PSMC6: variants seen among roughly 807,000 people sequenced by gnomAD.
PSMC6 encodes 26S proteasome regulatory subunit 10B.
A neutral mutation model predicts 55.9 loss-of-function variants in PSMC6; 3 were observed. The observed-to-expected ratio is 0.05, with a 90% CI of 0.02 to 0.14. PSMC6 has a LOEUF of 0.14. PSMC6 is among the 10% of genes least tolerant of loss of function. The probability of loss-of-function intolerance (pLI) is 1.00; values close to 1 mark genes in which losing one functional copy is unlikely to be tolerated. For synonymous variants in PSMC6, 137 were observed against 155.9 expected (o/e 0.88, Z 0.90); for missense variants, 210 against 478.7 (o/e 0.44, Z 5.24).
In PSMC6 at chr14:52,724,036, G is replaced by A. The variant is rs768293547; in HGVS notation, c.1051G>A (p.Gly351Ser). The A allele has an allele frequency of 6.2e-7, 1 of 1,612,230 alleles. No homozygotes were observed. The highest frequency in any genetic ancestry group is 1.1e-5 in the South Asian group (1 of 90,894). ...TCTGAGAAATGTTTGTACTGAAGCA[G>A]GTAAGGGTTTAAAGTACAGTTTTAC... ...ADLRNVCTEAGMFAIRADHDF... is the reference protein window; with the variant it reads ...ADLRNVCTEASMFAIRADHDF... The change falls in exon 13 of 14, where the codon GGT becomes AGT. Residue 351 changes from glycine to serine, a missense_variant and splice_region_variant. Coordinates refer to ENST00000445930, the MANE Select transcript of PSMC6 (RefSeq NM_002806.5).
chr14:52,723,090 G>A (rs956284663), intron 12 of PSMC6: 7 of 152,198 alleles, frequency 4.6e-5, no homozygotes, highest in African/African-American at 1.7e-4. Context: ...TCAATGTATA[G>A]GTTTCTTCCA....
intron 12 of PSMC6, chr14:52,722,108 A>G (rs1267484979): frequency 6.6e-6 from 1 of 152,316 alleles, no homozygotes; most frequent in Non-Finnish European, 1.5e-5. Context: ...AAATGCTGAC[A>G]ATAGGTCAGA....
chr14:52,711,470 T>G lies in PSMC6; in HGVS notation c.387T>G (p.Asn129Lys). The G allele has an allele frequency of 6.2e-7, 1 of 1,613,468 alleles. No individual in the cohort carries two copies. Among genetic ancestry groups the G allele is most frequent in the Non-Finnish European group, 8.5e-7 (1 of 1,179,506 alleles). ...VYNMSHEDPG[N>K]VSYSEIGGLS... The stretch of plus-strand genomic sequence containing the variant: ...ACATGTCTCATGAGGACCCTGGGAA[T>G]GTTTCTTATTCTGAGATTGGAGGGC... The change falls in exon 6 of 14, where the codon AAT becomes AAG. Residue 129 changes from asparagine to lysine, a missense_variant. Transcript: ENST00000445930.
chr14:52,722,066 T>A (rs1880218018), intron 12 of PSMC6: 1 of 145,888 alleles, frequency 6.9e-6, no homozygotes, highest in African/African-American at 2.8e-5. Flanking sequence ...GCCTGGTTGT[T>A]TGTTTGTTTG....
At position 52,708,331 on chromosome 14, in the gene PSMC6, T is replaced by C; in HGVS notation, c.108T>C (p.Leu36=). 6.2e-7 allele frequency: 1 copy of C among 1,611,780 alleles called. No homozygotes were observed. Among genetic ancestry groups the C allele is most frequent in the Non-Finnish European group, 8.5e-7 (1 of 1,177,886 alleles). ...CAGTAAGGGAACAATTAAAAGAACTTACCAAGCAGTATGAAAAGTCTGAAA... is the reference window on the plus strand; with the variant it reads ...CAGTAAGGGAACAATTAAAAGAACTCACCAAGCAGTATGAAAAGTCTGAAA... The part of the protein sequence containing the change: ...LKELREQLKE[L]TKQYEKSEND... Residue 36 remains leucine, a synonymous_variant, in exon 2 of 14, where the codon CTT becomes CTC. Coordinates refer to ENST00000445930, the MANE Select transcript of PSMC6 (RefSeq NM_002806.5).
chr14:52,711,036 ACT>A (rs2041766456), intron 4 of PSMC6, 63 bp from the exon 5 acceptor site: 2 of 334,232 alleles, frequency 6.0e-6, no homozygotes, highest in Middle Eastern at 1.1e-3. Context: ...TAAATATTAA[ACT>A]CTCGTTAGAG....
At chr14:52,710,784 A>T (rs530951574) in intron 4 of PSMC6, 22 of 338,046 alleles carry the variant, frequency 6.5e-5, no homozygotes, top group African/African-American at 4.8e-4. Flanking sequence ...TAAAATGTTC[A>T]CTAAGGGATT....
At chr14:52,717,269 G>T (rs1019912482) in intron 7 of PSMC6, among the ~76,000 whole-genome samples, 4 of 149,874 alleles carry the variant, frequency 2.7e-5, no homozygotes, top group Non-Finnish European at 5.9e-5. Context: ...ATTTAAAATA[G>T]ATTTTAAAAA....
At chr14:52,712,027 A>G (rs921084971) in intron 6 of PSMC6, among the ~76,000 whole-genome samples, 2 of 152,340 alleles carry the variant, frequency 1.3e-5, no homozygotes, top group East Asian at 3.9e-4. Flanking sequence ...TTAGGTGAAC[A>G]GTCAAATCAG....
rs1280306896 is a variant in PSMC6 at position 52,723,950 on chromosome 14, AT to A, written c.980-9del. On this transcript the variant is annotated splice_polypyrimidine_tract_variant and intron_variant, in intron 12 of 13. Coordinates refer to ENST00000445930, the MANE Select transcript of PSMC6 (RefSeq NM_002806.5). Reference sequence around the variant, plus strand: ...CTAATTTTTAAAACTAATTTCCAGTATTTTTTCTAAACAGATTATGAAGCAA... The same window carrying A: ...CTAATTTTTAAAACTAATTTCCAGTATTTTTCTAAACAGATTATGAAGCAA... The A allele has an allele frequency of 6.2e-7, 1 of 1,610,480 alleles. No individual in the cohort carries two copies. The highest frequency in any genetic ancestry group is 8.5e-7 in the Non-Finnish European group (1 of 1,178,632).
intron 1 of PSMC6, 132 bp downstream of exon 1, chr14:52,707,436 T>C: frequency 8.0e-7 from 1 of 1,249,882 alleles, no homozygotes; most frequent in Non-Finnish European, 1.1e-6. Context: ...GACAAGGCGC[T>C]TTGTCATCCG....
intron 10 of PSMC6, among the ~76,000 whole-genome samples, chr14:52,719,797 A>T (rs980001967): frequency 3.9e-5 from 6 of 152,242 alleles, no homozygotes; most frequent in Non-Finnish European, 7.3e-5. Context: ...ATCATCAACT[A>T]ACACATTGTC....
chr14:52,728,053 T>C lies in PSMC6; in HGVS notation c.*436T>C, dbSNP rs1880492832. 2 of 156,000 alleles carry C rather than the reference T, an allele frequency of 1.3e-5. No individual in the cohort carries two copies. The highest frequency in any genetic ancestry group is 6.4e-5 in the Admixed American group (1 of 15,656). The allele number at this position is 156,000 out of a possible 1,614,324, so 9.7% of individuals were successfully genotyped here. ...GTGGTCCTTTAGGTTCTTTAGCAAG[T>C]AAACTATTTGATAACCCAGATGGAT... is the stretch of plus-strand genomic sequence containing the variant. On this transcript the variant is annotated 3_prime_UTR_variant, in exon 14 of 14. Coordinates refer to ENST00000445930, the MANE Select transcript of PSMC6 (RefSeq NM_002806.5).
intron 4 of PSMC6, 177 bp downstream of exon 4, chr14:52,708,993 C>G: frequency 1.3e-6 from 1 of 792,220 alleles, no homozygotes; most frequent in Non-Finnish European, 1.9e-6. Flanking sequence ...GGCTTTGACT[C>G]CTGGCATTCC....
intron 13 of PSMC6, among the ~76,000 whole-genome samples, chr14:52,726,322 C>T (rs1880408556): frequency 6.6e-6 from 1 of 152,118 alleles, no homozygotes; most frequent in South Asian, 2.1e-4. Flanking sequence ...AAATATGAAT[C>T]AAATAAAAAT....
At chr14:52,717,235 CATAA>C (rs1817819292) in intron 7 of PSMC6, among the ~76,000 whole-genome samples, 1 of 151,776 alleles carries the variant, frequency 6.6e-6, no homozygotes, top group Non-Finnish European at 1.5e-5. Flanking sequence ...TAATTTAACC[CATAA>C]ATATACAATT....
At chr14:52,713,489 G>T (rs573619732) in intron 6 of PSMC6, among the ~76,000 whole-genome samples, 1 of 151,970 alleles carries the variant, frequency 6.6e-6, no homozygotes, top group Admixed American at 6.6e-5. Flanking sequence ...TAGATCTTTT[G>T]AGTTGTGTTT....
chr14:52,714,021 T>TA (rs200257876), intron 7 of PSMC6, 53 bp downstream of exon 7: 26,177 of 928,828 alleles, frequency 0.028, 13 homozygotes, highest in East Asian at 0.045. Context: ...ATTAAGGAAT[T>TA]AAAAAAAAAA....
chr14:52,720,211 G>C (rs12888232), intron 10 of PSMC6, among the ~76,000 whole-genome samples: 18 of 120,178 alleles, frequency 1.5e-4, no homozygotes, highest in African/African-American at 5.7e-4. Flanking sequence ...GACAGAGCGA[G>C]AGTCTGTCTC....
Sources: allele counts gnomAD v4.1 joint callset (sites outside exome capture counted in the v4.1 genomes callset), GRCh38; gene constraint gnomAD v4.1.1; transcripts MANE v1.5; gene names NCBI Gene and HGNC (gene_info 2026-07-23, HGNC 2026-07-21).